Variants in SSH2 observed in about 807,000 individuals in gnomAD.
SSH2 encodes the protein protein phosphatase Slingshot homolog 2.
Under a neutral mutation model 135.2 loss-of-function variants are expected in SSH2, and 37 were observed. That is an observed-to-expected ratio of 0.27 (90% CI 0.21 to 0.36). The LOEUF is 0.36. SSH2 is among the 10% of genes least tolerant of loss of function. SSH2 has a pLI of 1.00. For missense variants in SSH2, 1,408 were observed against 1,765.3 expected (o/e 0.80, Z 3.63); for synonymous variants, 628 against 646.2 (o/e 0.97, Z 0.43).
intron 12 of SSH2, among the ~76,000 whole-genome samples, chr17:29,651,106 T>C (rs961473451): frequency 1.3e-5 from 2 of 152,222 alleles, no homozygotes; most frequent in African/African-American, 4.8e-5. Context: ...TCTGAAAATA[T>C]GCCTCATATT....
intron 3 of SSH2, among the ~76,000 whole-genome samples, chr17:29,760,183 C>T (rs2041246093): frequency 6.6e-6 from 1 of 152,202 alleles, no homozygotes; most frequent in African/African-American, 2.4e-5. Context: ...ATGCTATTCT[C>T]TAGACCTTTA....
chr17:29,878,985 T>C (rs531587982), intron 1 of SSH2, among the ~76,000 whole-genome samples: 1 of 152,340 alleles, frequency 6.6e-6, no homozygotes, highest in Middle Eastern at 3.4e-3. Flanking sequence ...CATTGTGTTA[T>C]TTGTCATAAT....
At chr17:29,797,146 A>G (rs1233345319) in intron 2 of SSH2, among the ~76,000 whole-genome samples, 1 of 151,872 alleles carries the variant, frequency 6.6e-6, no homozygotes, top group Non-Finnish European at 1.5e-5. Flanking sequence ...TTAAGGTAAA[A>G]TTTATATACA....
chr17:29,786,894 C>T (rs762632987), intron 3 of SSH2, among the ~76,000 whole-genome samples: 24 of 152,104 alleles, frequency 1.6e-4, no homozygotes, highest in East Asian at 1.9e-4. Context: ...GCTGCACTCC[C>T]GCCTGTGTGG....
At chr17:29,787,883 C>T (rs1445349412) in intron 3 of SSH2, 1 of 152,162 alleles carries the variant, frequency 6.6e-6, no homozygotes, top group African/African-American at 2.4e-5. Context: ...TGTGTGACAC[C>T]ACACCTGGCT....
chr17:29,921,897 A>G (rs2066982992), intron 1 of SSH2, among the ~76,000 whole-genome samples: 1 of 152,168 alleles, frequency 6.6e-6, no homozygotes, highest in Non-Finnish European at 1.5e-5. Context: ...TATGTAAATG[A>G]CCCAGTCCCT....
At chr17:29,747,547 C>T (rs2151221900) in intron 3 of SSH2, among the ~76,000 whole-genome samples, 1 of 152,298 alleles carries the variant, frequency 6.6e-6, no homozygotes. Context: ...TTCCAAATTA[C>T]AGGAACACCT....
In SSH2 at chr17:29,708,621, C is replaced by T. The variant is rs1031464957; in HGVS notation, c.189-5559G>A. On this transcript the variant is annotated intron_variant, in intron 3 of 15. Coordinates refer to ENST00000540801, the MANE Select transcript of SSH2 (RefSeq NM_001282129.2). ...AAAAAAAAAAAACAAACAAAAAAAC[C>T]GGTTCTTTAGAAAGGCAGGTGAAAA... Among the ~76,000 whole-genome samples the T allele has an allele frequency of 8.5e-4, 128 of 150,290 alleles. 2 individuals carry two copies. The highest frequency in any genetic ancestry group is 1.6e-4 in the Non-Finnish European group (11 of 67,610).
chr17:29,822,210 G>A (rs2042665724), intron 2 of SSH2, among the ~76,000 whole-genome samples: 1 of 152,178 alleles, frequency 6.6e-6, no homozygotes, highest in African/African-American at 2.4e-5. Context: ...CAGGTCACCT[G>A]AGACTGGCAT....
intron 1 of SSH2, among the ~76,000 whole-genome samples, chr17:29,914,701 G>T (rs2066851601): frequency 6.6e-6 from 1 of 152,068 alleles, no homozygotes; most frequent in Admixed American, 6.6e-5. Flanking sequence ...GGATGCAAAT[G>T]TCCAATGTAA....
In SSH2 at chr17:29,627,422, C is replaced by G. The variant is rs1172487850; in HGVS notation, c.*3419G>C. On this transcript the variant is annotated 3_prime_UTR_variant, in exon 16 of 16. Transcript: ENST00000540801. ...TTCTCATAGGAAGCTTTGAGTTTAC[C>G]CAACAGCATCTGTCTGGGGCCTGTG... 3 of 152,440 alleles carry G rather than the reference C, an allele frequency of 2.0e-5. No homozygotes were observed. The highest frequency in any genetic ancestry group is 4.4e-5 in the Non-Finnish European group (3 of 68,032). The allele number at this position is 152,440 out of a possible 1,614,324, so 9.4% of individuals were successfully genotyped here.
At chr17:29,857,875 A>T (rs1487105905) in intron 1 of SSH2, among the ~76,000 whole-genome samples, 1 of 152,156 alleles carries the variant, frequency 6.6e-6, no homozygotes, top group African/African-American at 2.4e-5. Flanking sequence ...ATCTATATCC[A>T]CCAAACAACT....
Position 29,636,088 on chromosome 17 carries a change from A to G in SSH2, c.2142T>C (p.Cys714=). 1 of 1,614,220 alleles carries G rather than the reference A, an allele frequency of 6.2e-7. No individual in the cohort carries two copies. Among genetic ancestry groups the G allele is most frequent in the East Asian group, 2.2e-5 (1 of 44,884 alleles). The part of the protein sequence containing the change: ...EELGGGRNES[C]RLSVVEVAPS... ...GGGCTACTTCTACCACTGACAGTCGACAGCTCTCATTCCTTCCTCCACCCA... is the reference window on the plus strand; with the variant it reads ...GGGCTACTTCTACCACTGACAGTCGGCAGCTCTCATTCCTTCCTCCACCCA... The change falls in exon 15 of 16, where the codon TGT becomes TGC. Residue 714 remains cysteine (C), a synonymous_variant. Transcript: ENST00000540801.
At chr17:29,765,184 A>G (rs774153979) in intron 3 of SSH2, among the ~76,000 whole-genome samples, 7 of 152,220 alleles carry the variant, frequency 4.6e-5, no homozygotes, top group Non-Finnish European at 8.8e-5. Flanking sequence ...AAGGAATCTC[A>G]TCCTTCTGGA....
chr17:29,901,092 A>G (rs1278584654), intron 1 of SSH2, among the ~76,000 whole-genome samples: 1 of 152,104 alleles, frequency 6.6e-6, no homozygotes, highest in Non-Finnish European at 1.5e-5. Flanking sequence ...GAACACATGG[A>G]CACAGGAAGG....
intron 1 of SSH2, among the ~76,000 whole-genome samples, chr17:29,908,777 A>G (rs1364042683): frequency 6.8e-6 from 1 of 147,640 alleles, no homozygotes; most frequent in Non-Finnish European, 1.5e-5. Context: ...AAAAAAAAAA[A>G]AAAAAAAAAA....
At chr17:29,692,155 T>C (rs1160815666) in intron 5 of SSH2, among the ~76,000 whole-genome samples, 2 of 108,002 alleles carry the variant, frequency 1.9e-5, no homozygotes, top group African/African-American at 7.5e-5. Context: ...AATAAATAAA[T>C]AAATAAAAAA....
rs561601077 is a variant in SSH2 at position 29,685,666 on chromosome 17, G to A, written c.358-982C>T. Among the ~76,000 whole-genome samples, 10 of 151,604 alleles carry A rather than the reference G, an allele frequency of 6.6e-5. No homozygotes were observed. The South Asian group carries it at 2.1e-3, about 32-fold the overall frequency. ...TAGCTGGGCGTGGTGGCGCACGCCT[G>A]TAATCCCAGCTACTTAGGAGGCTGA... is the stretch of plus-strand genomic sequence containing the variant. On this transcript the variant is annotated intron_variant, in intron 5 of 15. Transcript: ENST00000540801.
chr17:29,736,572 G>A (rs1372448640), intron 3 of SSH2, among the ~76,000 whole-genome samples: 3 of 152,070 alleles, frequency 2.0e-5, no homozygotes, highest in Admixed American at 2.0e-4. Flanking sequence ...TGGATCACAA[G>A]GTCAGGAGAT....
Sources: gnomAD v4.1 joint callset for allele counts (sites outside exome capture counted in the v4.1 genomes callset) on GRCh38, gnomAD v4.1.1 for gene constraint, MANE v1.5 for transcripts, NCBI Gene and HGNC (gene_info 2026-07-23, HGNC 2026-07-21) for gene names.